The following EYS variants were observed in gnomAD, a reference collection of about 807,000 sequenced individuals.
EYS encodes the protein EGF-like photoreceptor maintenance factor, also known as protein eyes shut homolog.
A neutral mutation model predicts 282.1 loss-of-function variants in EYS; 250 were observed. The ratio of observed to expected loss-of-function variants is 0.89; its 90% confidence interval spans 0.80 to 0.98. EYS has a LOEUF of 0.98. Ranked by LOEUF, EYS falls within the 50% of genes least tolerant of loss-of-function variation. The probability of loss-of-function intolerance (pLI) is 0.00; values close to 1 mark genes in which losing one functional copy is unlikely to be tolerated. For synonymous variants in EYS, 1,355 were observed against 1,282.9 expected, an observed-to-expected ratio of 1.06 and a Z score of -1.20; for missense variants, 4,016 against 3,709.0, an observed-to-expected ratio of 1.08 and a Z score of -2.15.
At chr6:63,924,122 A>C (rs1764648629) in intron 35 of EYS, among the ~76,000 whole-genome samples, 1 of 152,204 alleles carries the variant, frequency 6.6e-6, no homozygotes, top group South Asian at 2.1e-4. Flanking sequence ...ACCTCACTGC[A>C]TATGATTTTA....
At chr6:64,504,560 T>C (rs1201294529) in intron 26 of EYS, among the ~76,000 whole-genome samples, 1 of 152,172 alleles carries the variant, frequency 6.6e-6, no homozygotes, top group East Asian at 1.9e-4. Context: ...AAACTCACTG[T>C]CAAGTCACAG....
At chr6:63,833,875 G>A (rs1355024123) in intron 36 of EYS, among the ~76,000 whole-genome samples, 1 of 152,088 alleles carries the variant, frequency 6.6e-6, no homozygotes, top group Non-Finnish European at 1.5e-5. Context: ...CAGACCAATG[G>A]AACAGAACAG....
chr6:64,464,654 C>CA (rs1327146996), intron 26 of EYS, among the ~76,000 whole-genome samples: 1 of 151,804 alleles, frequency 6.6e-6, no homozygotes, highest in Non-Finnish European at 1.5e-5. Context: ...ACAGACTATA[C>CA]AAAAAAGAAG....
At chr6:65,512,427 T>G (rs1766923837) in intron 2 of EYS, among the ~76,000 whole-genome samples, 1 of 148,822 alleles carries the variant, frequency 6.7e-6, no homozygotes, top group Non-Finnish European at 1.5e-5. Context: ...AGGCGGAGCT[T>G]GCAGTGAGCC....
At chr6:63,889,646 G>T (rs1237388592) in intron 35 of EYS, among the ~76,000 whole-genome samples, 10 of 151,942 alleles carry the variant, frequency 6.6e-5, no homozygotes, top group African/African-American at 2.4e-4. Flanking sequence ...AGGAAAAACT[G>T]GTACGAGCCA....
intron 33 of EYS, among the ~76,000 whole-genome samples, chr6:64,053,780 C>A (rs1415474055): frequency 6.6e-6 from 1 of 152,102 alleles, no homozygotes; most frequent in East Asian, 1.9e-4. Flanking sequence ...CTCCATTTAA[C>A]CTTGAAGGCC....
intron 13 of EYS, among the ~76,000 whole-genome samples, chr6:65,012,827 TG>T (rs1771919179): frequency 1.7e-5 from 2 of 117,656 alleles, no homozygotes; most frequent in Non-Finnish European, 1.8e-5. Context: ...AAAAAAAAAA[TG>T]AAAAAAAACT....
chr6:63,967,865 G>C (rs1766379284), intron 35 of EYS, among the ~76,000 whole-genome samples: 1 of 152,086 alleles, frequency 6.6e-6, no homozygotes, highest in Non-Finnish European at 1.5e-5. Context: ...TTACAGCCCT[G>C]GGGAGTAATC....
intron 31 of EYS, among the ~76,000 whole-genome samples, chr6:64,127,807 T>A (rs1422156396): frequency 2.0e-5 from 3 of 152,144 alleles, no homozygotes; most frequent in Non-Finnish European, 2.9e-5. Context: ...TTTCAAGGAA[T>A]CTTGACCATC....
chr6:64,096,466 C>G (rs1452422385), intron 31 of EYS, among the ~76,000 whole-genome samples: 1 of 152,146 alleles, frequency 6.6e-6, no homozygotes, highest in African/African-American at 2.4e-5. Flanking sequence ...ATTCTTTTTG[C>G]TCTAAACTTC....
At chr6:65,067,560 A>G (rs1400258199) in intron 12 of EYS, among the ~76,000 whole-genome samples, 2 of 152,110 alleles carry the variant, frequency 1.3e-5, no homozygotes, top group Non-Finnish European at 2.9e-5. Flanking sequence ...GAGAGGAGAC[A>G]GGAATTACAT....
At chr6:64,200,399 G>GT (rs1765427639) in intron 31 of EYS, among the ~76,000 whole-genome samples, 1 of 152,020 alleles carries the variant, frequency 6.6e-6, no homozygotes, top group African/African-American at 2.4e-5. Context: ...AATGCAAGTT[G>GT]TTAATAAGAA....
chr6:65,396,317 T>C (rs1009037623), intron 7 of EYS, among the ~76,000 whole-genome samples: 3 of 152,126 alleles, frequency 2.0e-5, no homozygotes, highest in African/African-American at 7.2e-5. Context: ...ATCTTAATGT[T>C]AAGTATTTTA....
chr6:63,895,810 T>C (rs1313634995), intron 35 of EYS, among the ~76,000 whole-genome samples: 3 of 152,236 alleles, frequency 2.0e-5, no homozygotes, highest in Admixed American at 2.0e-4. Flanking sequence ...TCTGTCCTTA[T>C]TTGCTGAACT....
intron 35 of EYS, among the ~76,000 whole-genome samples, chr6:63,956,757 G>T (rs148730517): frequency 6.6e-6 from 1 of 152,028 alleles, no homozygotes; most frequent in African/African-American, 2.4e-5. Flanking sequence ...AGTTTAACAC[G>T]TATTTCCCAC....
At chr6:65,553,557 G>A (rs902759328) in intron 2 of EYS, among the ~76,000 whole-genome samples, 1 of 152,024 alleles carries the variant, frequency 6.6e-6, no homozygotes, top group African/African-American at 2.4e-5. Flanking sequence ...GGAAAAAAAA[G>A]TTTACCTATG....
chr6:64,381,148 T>C (rs918221898), intron 29 of EYS, among the ~76,000 whole-genome samples: 1 of 152,116 alleles, frequency 6.6e-6, no homozygotes, highest in Admixed American at 6.5e-5. Flanking sequence ...TGAACACGCA[T>C]GTTCTTTTTA....
intron 22 of EYS, among the ~76,000 whole-genome samples, chr6:64,698,879 G>A (rs940604679): frequency 1.3e-5 from 2 of 152,118 alleles, no homozygotes; most frequent in Admixed American, 6.5e-5. Flanking sequence ...ATTGGTGGGA[G>A]TTAAAATTAG....
intron 14 of EYS, among the ~76,000 whole-genome samples, chr6:64,981,897 A>C (rs1770681129): frequency 6.6e-6 from 1 of 151,380 alleles, no homozygotes; most frequent in Non-Finnish European, 1.5e-5. Context: ...CTACTGCCAG[A>C]TGTTACCAGT....
Sources: gnomAD v4.1 joint callset for allele counts (sites outside exome capture counted in the v4.1 genomes callset) on GRCh38, gnomAD v4.1.1 for gene constraint, MANE v1.5 for transcripts, NCBI Gene and HGNC (gene_info 2026-07-23, HGNC 2026-07-21) for gene names.